The following NCAM2 variants were observed in gnomAD, a reference collection of about 807,000 sequenced individuals.
NCAM2 encodes neural cell adhesion molecule 2.
A neutral mutation model predicts 98.1 loss-of-function variants in NCAM2; 30 were observed. The observed-to-expected ratio is 0.31, with a 90% CI of 0.23 to 0.41. NCAM2 has a LOEUF of 0.41. NCAM2 is among the 10% of genes least tolerant of loss of function. The pLI is 1.00. For synonymous variants in NCAM2, 368 were observed against 342.4 expected (o/e 1.07, Z -0.83); for missense variants, 867 against 1,005.8 (o/e 0.86, Z 1.87).
At chr21:21,226,087 AT>A (rs2070370419) in intron 1 of NCAM2, among the ~76,000 whole-genome samples, 1 of 152,060 alleles carries the variant, frequency 6.6e-6, no homozygotes, top group Non-Finnish European at 1.5e-5. Flanking sequence ...GTTCTCACTT[AT>A]AAGTAAGATA....
intron 1 of NCAM2, among the ~76,000 whole-genome samples, chr21:21,097,273 G>T (rs1026503652): frequency 6.6e-6 from 1 of 151,666 alleles, no homozygotes; most frequent in East Asian, 1.9e-4. Context: ...AATAATCCAT[G>T]TGCTGAAGAG....
chr21:21,168,486 A>G lies in NCAM2; in HGVS notation c.56-112092A>G, dbSNP rs141840140. The stretch of plus-strand genomic sequence containing the variant: ...AGAAAGGAAAAGACATACAGACTGG[A>G]AAGGAATAAATAAAACTGTCTTTCT... On this transcript the variant is annotated intron_variant, in intron 1 of 17. Coordinates refer to ENST00000400546, the MANE Select transcript of NCAM2 (RefSeq NM_004540.5). Among the ~76,000 whole-genome samples, 1,036 of 152,262 alleles carry G rather than the reference A, an allele frequency of 6.8e-3. 43 individuals are homozygous for G. The highest frequency in any genetic ancestry group is 0.062 in the Admixed American group (948 of 15,286).
intron 1 of NCAM2, among the ~76,000 whole-genome samples, chr21:21,077,928 G>C (rs1006047687): frequency 1.3e-5 from 2 of 151,978 alleles, no homozygotes; most frequent in African/African-American, 4.8e-5. Context: ...GTATTGGTGA[G>C]GTGTACCAGT....
chr21:21,132,854 A>G (rs2066964677), intron 1 of NCAM2, among the ~76,000 whole-genome samples: 1 of 152,206 alleles, frequency 6.6e-6, no homozygotes, highest in Non-Finnish European at 1.5e-5. Flanking sequence ...GCAAGAATAG[A>G]ACCCAGCACT....
rs368736775 is a variant in NCAM2 at position 21,504,356 on chromosome 21, A to G, written c.2078-4495A>G. ...CATAAAATTTACACCATAAGTCGTA[A>G]GTGTAAGTATTCTGATGATCTTAAA... On this transcript the variant is annotated intron_variant, in intron 15 of 17. Transcript: ENST00000400546. 3.9e-5 allele frequency among the ~76,000 whole-genome samples: 6 copies of G among 151,936 alleles called. No homozygotes were observed. In the East Asian group the frequency reaches 7.7e-4, roughly 19 times the overall value.
Position 21,347,428 on chromosome 21 carries a change from T to C in NCAM2, c.1044+8894T>C, listed in dbSNP as rs369598705. On this transcript the variant is annotated intron_variant, in intron 8 of 17. Coordinates refer to ENST00000400546, the MANE Select transcript of NCAM2 (RefSeq NM_004540.5). ...CTGACTTCAAATTATACTACAGAGC[T>C]ATAGTAACCAAAACAGCATGGTACA... is the stretch of plus-strand genomic sequence containing the variant. 9.2e-4 allele frequency among the ~76,000 whole-genome samples: 140 copies of C among 151,938 alleles called. 2 individuals carry two copies. The highest frequency in any genetic ancestry group is 9.1e-3 in the South Asian group (44 of 4,824).
intron 16 of NCAM2, among the ~76,000 whole-genome samples, chr21:21,521,202 G>A (rs796273155): frequency 2.0e-5 from 3 of 152,166 alleles, no homozygotes; most frequent in African/African-American, 7.2e-5. Flanking sequence ...TCCCACCAAG[G>A]CTGTGGGAGG....
At chr21:21,431,359 A>G (rs910166949) in intron 11 of NCAM2, among the ~76,000 whole-genome samples, 1 of 150,620 alleles carries the variant, frequency 6.6e-6, no homozygotes, top group African/African-American at 2.4e-5. Context: ...TGCCTTTGAG[A>G]TAATTCTTCC....
intron 1 of NCAM2, among the ~76,000 whole-genome samples, chr21:21,029,877 G>A (rs1415422557): frequency 1.3e-5 from 2 of 152,042 alleles, no homozygotes; most frequent in Non-Finnish European, 2.9e-5. Context: ...TGATTCGCCC[G>A]CCTGAGCCTC....
rs2071097761 is a variant in NCAM2 at position 21,242,400 on chromosome 21, T to C, written c.56-38178T>C. 2.0e-5 allele frequency among the ~76,000 whole-genome samples: 3 copies of C among 152,330 alleles called. No homozygotes were observed. In the South Asian group the frequency reaches 6.2e-4, roughly 32 times the overall value. On this transcript the variant is annotated intron_variant, in intron 1 of 17. Transcript: ENST00000400546. ...GAAATATGCAATGCATTCTTATTTA[T>C]CATAGTCATTCTGTACAATAGATTG... is the stretch of plus-strand genomic sequence containing the variant.
In NCAM2 at chr21:21,411,136, G is replaced by GTA. The variant is rs376359493; in HGVS notation, c.1383+686_1383+687dup. Among the ~76,000 whole-genome samples the GTA allele has an allele frequency of 2.2e-3, 150 of 68,238 alleles. 15 individuals are homozygous for GTA. The highest frequency in any genetic ancestry group is 6.9e-3 in the African/African-American group (141 of 20,370). The allele number at this position is 68,238 out of a possible 152,430, so 44.8% of individuals were successfully genotyped here. On this transcript the variant is annotated intron_variant, in intron 10 of 17. Transcript: ENST00000400546. ...TGTATATATATATACACATATATAT[G>GTA]TATATATATATACATATATATATGG...
At chr21:21,385,571 C>CT (rs373545262) in intron 9 of NCAM2, 77 of 1,159,044 alleles carry the variant, frequency 6.6e-5, no homozygotes, top group Non-Finnish European at 8.3e-5. Flanking sequence ...AAAATTAAGC[C>CT]TTTTTTTGCT....
intron 5 of NCAM2, among the ~76,000 whole-genome samples, chr21:21,322,127 AAAAC>A (rs1568931599): frequency 6.6e-6 from 1 of 152,166 alleles, no homozygotes; most frequent in Non-Finnish European, 1.5e-5. Flanking sequence ...TACACTGCAA[AAAAC>A]AAACAAACAA....
At chr21:21,325,368 C>T (rs910425124) in intron 6 of NCAM2, among the ~76,000 whole-genome samples, 6 of 152,112 alleles carry the variant, frequency 3.9e-5, no homozygotes, top group African/African-American at 1.2e-4. Context: ...CCCAAACTAA[C>T]TTTTATTCTT....
At chr21:21,257,643 C>T (rs372494169) in intron 1 of NCAM2, among the ~76,000 whole-genome samples, 10 of 152,190 alleles carry the variant, frequency 6.6e-5, no homozygotes, top group East Asian at 3.9e-4. Flanking sequence ...AGTCCAGTGG[C>T]GCAGTCTCTG....
At chr21:21,443,931 A>G (rs1979692433) in intron 12 of NCAM2, among the ~76,000 whole-genome samples, 1 of 152,202 alleles carries the variant, frequency 6.6e-6, no homozygotes, top group Non-Finnish European at 1.5e-5. Flanking sequence ...TATCAAAGGG[A>G]ATAATTCTAG....
intron 9 of NCAM2, among the ~76,000 whole-genome samples, chr21:21,385,395 C>CACACACACACAT (rs141149066): frequency 0.045 from 6,756 of 150,612 alleles, 190 homozygotes; most frequent in African/African-American, 0.07. Context: ...CACACACACA[C>CACACACACACAT]ACACGCACAC....
At chr21:21,147,214 C>T (rs984505824) in intron 1 of NCAM2, 2 of 975,848 alleles carry the variant, frequency 2.0e-6, no homozygotes, top group South Asian at 4.8e-5. Context: ...ACTCTGCCTC[C>T]GCAGTTCTTA....
At chr21:21,094,157 G>T (rs1184448386) in intron 1 of NCAM2, among the ~76,000 whole-genome samples, 1 of 151,718 alleles carries the variant, frequency 6.6e-6, no homozygotes, top group Non-Finnish European at 1.5e-5. Flanking sequence ...TGAATACCAG[G>T]CTGTACATGC....
Sources: allele counts gnomAD v4.1 joint callset (sites outside exome capture counted in the v4.1 genomes callset), GRCh38; gene constraint gnomAD v4.1.1; transcripts MANE v1.5; gene names NCBI Gene and HGNC (gene_info 2026-07-23, HGNC 2026-07-21).